Variants in DNAH14 observed in about 807,000 individuals in gnomAD.
DNAH14 encodes the protein dynein axonemal heavy chain 14, also known as axonemal beta dynein heavy chain 14.
In DNAH14, 478 loss-of-function variants were observed where a neutral mutation model predicts 520.9. The observed-to-expected ratio is 0.92, with a 90% confidence interval of 0.85 to 0.99. The LOEUF is 0.99. DNAH14 is among the 50% of genes least tolerant of loss of function. The pLI is 0.00. For missense variants in DNAH14, 4,831 were observed against 5,234.5 expected (o/e 0.92, Z 2.38); for synonymous variants, 1,581 against 1,757.2 (o/e 0.90, Z 2.51).
At chr1:225,085,065 A>T (rs2073599612) in intron 20 of DNAH14, among the ~76,000 whole-genome samples, 1 of 152,148 alleles carries the variant, frequency 6.6e-6, no homozygotes. Flanking sequence ...ATATCTGTTC[A>T]TAATCCCCAC....
chr1:225,153,021 G>A, intron 33 of DNAH14, 138 bp downstream of exon 33: 1 of 923,588 alleles, frequency 1.1e-6, no homozygotes, highest in Non-Finnish European at 1.5e-6. Context: ...AAATAATGGA[G>A]CTAGAATTTC....
At chr1:225,335,353 G>GCA (rs199904701) in intron 66 of DNAH14, among the ~76,000 whole-genome samples, 8,933 of 39,296 alleles carry the variant, frequency 0.23, 2,340 homozygotes, top group African/African-American at 0.49. Context: ...GTGTGTATAT[G>GCA]CATATACACG....
rs1330787465 is a variant in DNAH14 at position 225,380,341 on chromosome 1, C to A, written c.12880+19C>A. On this transcript the variant is annotated intron_variant, in intron 80 of 85. Coordinates refer to ENST00000682510, the MANE Select transcript of DNAH14 (RefSeq NM_001367479.1). ...CTCAAAGGTGAGCATGGGACAGGAG[C>A]TTTTTCCCCTTACCTCACTCTCCTC... is the stretch of plus-strand genomic sequence containing the variant. 6.5e-7 allele frequency: 1 copy of A among 1,542,252 alleles called. No individual in the cohort carries two copies. The highest frequency in any genetic ancestry group is 8.8e-7 in the Non-Finnish European group (1 of 1,142,292).
chr1:224,957,120 TA>T (rs142085110), intron 3 of DNAH14, among the ~76,000 whole-genome samples: 6,335 of 152,134 alleles, frequency 0.042, 215 homozygotes, highest in Non-Finnish European at 0.061. Context: ...AGAATCGATA[TA>T]GGGGGACCAT....
intron 26 of DNAH14, among the ~76,000 whole-genome samples, chr1:225,120,361 C>T (rs115743262): frequency 0.082 from 12,497 of 152,214 alleles, 1,659 homozygotes; most frequent in African/African-American, 0.28. Context: ...TTAGGCTTCA[C>T]AATAGTGATA....
In DNAH14 at chr1:225,186,775, T is replaced by C. The variant is rs2084811716; in HGVS notation, c.5670+1350T>C. Among the ~76,000 whole-genome samples the C allele has an allele frequency of 2.0e-5, 3 of 151,812 alleles. No individual in the cohort carries two copies. The South Asian group carries it at 6.2e-4, about 31-fold the overall frequency. On this transcript the variant is annotated intron_variant, in intron 37 of 85. Coordinates refer to ENST00000682510, the MANE Select transcript of DNAH14 (RefSeq NM_001367479.1). ...TGACATTAAACATTTCTGACAAATA[T>C]CCCAATTACTGTATTCTGTATATAT...
intron 11 of DNAH14, among the ~76,000 whole-genome samples, chr1:225,024,943 C>T (rs2065980828): frequency 6.6e-6 from 1 of 152,038 alleles, no homozygotes; most frequent in African/African-American, 2.4e-5. Context: ...TTTTTGTAGT[C>T]TTTTCCTAAA....
At chr1:225,373,727 G>A (rs1158147980) in intron 77 of DNAH14, among the ~76,000 whole-genome samples, 3 of 152,118 alleles carry the variant, frequency 2.0e-5, no homozygotes, top group Admixed American at 6.5e-5. Flanking sequence ...TTGTTTTTGC[G>A]CTTTTTGAAT....
At chr1:225,024,039 TA>T in intron 11 of DNAH14, 174 bp downstream of exon 11, 1 of 1,299,140 alleles carries the variant, frequency 7.7e-7, no homozygotes, top group Non-Finnish European at 9.7e-7. Context: ...ATACCTTACT[TA>T]ATATCGGTGC....
intron 28 of DNAH14, among the ~76,000 whole-genome samples, chr1:225,141,982 T>C (rs2079502909): frequency 6.6e-6 from 1 of 152,084 alleles, no homozygotes. Context: ...TCTAGAAAAA[T>C]GAAGCAGACA....
rs202057774 is a variant in DNAH14 at position 224,938,404 on chromosome 1, G to T, written c.-34+8569G>T. Among the ~76,000 whole-genome samples the T allele has an allele frequency of 2.9e-4, 44 of 152,194 alleles. 2 individuals are homozygous for T. In the East Asian group the frequency reaches 8.3e-3, roughly 29 times the overall value. On this transcript the variant is annotated intron_variant, in intron 1 of 85. Transcript: ENST00000682510. ...AGATATGAACAGACATTTCTCAAAA[G>T]AAGTCATACAAATGGCCAAAAGGCA...
At chr1:225,045,506 G>C (rs991996818) in intron 15 of DNAH14, among the ~76,000 whole-genome samples, 1 of 152,008 alleles carries the variant, frequency 6.6e-6, no homozygotes, top group Non-Finnish European at 1.5e-5. Flanking sequence ...TATATTAATA[G>C]TTGTTATGTC....
chr1:225,170,244 A>G (rs929952506), intron 36 of DNAH14, among the ~76,000 whole-genome samples: 21 of 152,282 alleles, frequency 1.4e-4, no homozygotes, highest in African/African-American at 4.6e-4. Flanking sequence ...ACATCATAAT[A>G]ACAGCATCAA....
Position 225,267,814 on chromosome 1 carries a change from A to G in DNAH14, c.7539+1045A>G, listed in dbSNP as rs192413138. Among the ~76,000 whole-genome samples the G allele has an allele frequency of 3.0e-3, 453 of 151,794 alleles. 2 individuals are homozygous for G. The highest frequency in any genetic ancestry group is 0.01 in the African/African-American group (423 of 41,396). On this transcript the variant is annotated intron_variant, in intron 49 of 85. Transcript: ENST00000682510. ...CCTGAATAAGGCAAACTGGCATGTG[A>G]GCGCTATCAGGTCAGACGTCAGTCA...
In DNAH14 at chr1:225,119,309, CA is replaced by C. The variant is rs2077113160; in HGVS notation, c.4166+18del. The C allele has an allele frequency of 1.3e-6, 2 of 1,488,360 alleles. No individual in the cohort carries two copies. The highest frequency in any genetic ancestry group is 2.8e-5 in the South Asian group (2 of 71,446). The allele number at this position is 1,488,360 out of a possible 1,614,324, so 92.2% of individuals were successfully genotyped here. On this transcript the variant is annotated intron_variant, in intron 26 of 85. Coordinates refer to ENST00000682510, the MANE Select transcript of DNAH14 (RefSeq NM_001367479.1). ...GTGCTAAAAAAGTAAGTACAATTTT[CA>C]AATCCTAAAATTATATATTTTATAT...
chr1:224,958,466 T>C (rs2060644687), intron 3 of DNAH14, among the ~76,000 whole-genome samples: 1 of 151,858 alleles, frequency 6.6e-6, no homozygotes. Flanking sequence ...CAACAGAAAG[T>C]GGGAGTTTCG....
At chr1:225,246,731 A>C (rs1374407049) in intron 43 of DNAH14, among the ~76,000 whole-genome samples, 1 of 152,208 alleles carries the variant, frequency 6.6e-6, no homozygotes, top group Non-Finnish European at 1.5e-5. Flanking sequence ...AGGAAACAAC[A>C]GATGCTGGAG....
In DNAH14 at chr1:224,964,583, AT is replaced by A; in HGVS notation, c.474del (p.Ile158MetfsTer8). On this transcript the variant is annotated frameshift_variant, in exon 5 of 86. Coordinates refer to ENST00000682510, the MANE Select transcript of DNAH14 (RefSeq NM_001367479.1). LOFTEE classifies it high-confidence loss of function. ...CAGTTTGAAATACGGAAGCTCCAAA[AT>A]TGCAATTCAGAAGATTACTTTAAAG... Reference protein sequence around the residue: ...QHSLKYGSSKIAIQKITLKKP... With the variant: ...QHSLKYGSSKXAIQKITLKKP... 6.2e-7 allele frequency: 1 copy of A among 1,602,158 alleles called. No homozygotes were observed. Among genetic ancestry groups the A allele is most frequent in the Non-Finnish European group, 8.5e-7 (1 of 1,173,424 alleles).
intron 17 of DNAH14, among the ~76,000 whole-genome samples, chr1:225,076,084 G>A (rs1239180177): frequency 1.3e-5 from 2 of 152,146 alleles, no homozygotes; most frequent in South Asian, 4.1e-4. Context: ...CCTAATGCTT[G>A]TGACTACCAA....
Sources: gnomAD v4.1 joint callset for allele counts (sites outside exome capture counted in the v4.1 genomes callset) on GRCh38, gnomAD v4.1.1 for gene constraint, MANE v1.5 for transcripts, NCBI Gene and HGNC (gene_info 2026-07-23, HGNC 2026-07-21) for gene names.